The following IDE variants were observed in gnomAD, a reference collection of about 807,000 sequenced individuals.
The protein encoded by IDE is insulin-degrading enzyme.
In IDE, 58 loss-of-function variants were observed where a neutral mutation model predicts 133.2. The observed-to-expected ratio is 0.44, with a 90% CI of 0.35 to 0.54. The LOEUF (loss-of-function observed/expected upper bound fraction) is 0.54, where lower values mean the gene tolerates loss of function less well. Ranked by LOEUF, IDE falls within the 20% of genes least tolerant of loss-of-function variation. The pLI is 0.00. For missense variants in IDE, 981 were observed against 1,234.0 expected, an observed-to-expected ratio of 0.79 and a Z score of 3.07; for synonymous variants, 396 against 421.3, an observed-to-expected ratio of 0.94 and a Z score of 0.73.
At chr10:92,557,311 T>A (rs1589538975) in intron 1 of IDE, among the ~76,000 whole-genome samples, 2 of 143,668 alleles carry the variant, frequency 1.4e-5, no homozygotes, top group Non-Finnish European at 3.1e-5. Context: ...CCGAGGGGGG[T>A]GGATCACGAG....
At chr10:92,558,854 C>A (rs1221642701) in intron 1 of IDE, 1 of 151,390 alleles carries the variant, frequency 6.6e-6, no homozygotes, top group Non-Finnish European at 1.5e-5. Flanking sequence ...CTCATCCTCC[C>A]AAAGTGCTGG....
intron 1 of IDE, among the ~76,000 whole-genome samples, chr10:92,561,022 G>A (rs536394448): frequency 3.9e-5 from 6 of 152,216 alleles, no homozygotes; most frequent in Admixed American, 3.9e-4. Flanking sequence ...GGAGGCCAAG[G>A]TGGATGGATC....
At chr10:92,518,519 G>A (rs1425324480) in intron 4 of IDE, among the ~76,000 whole-genome samples, 1 of 152,134 alleles carries the variant, frequency 6.6e-6, no homozygotes, top group Admixed American at 6.5e-5. Context: ...ACCGCTACAG[G>A]AAACAACCTA....
At chr10:92,533,365 CATAAA>C (rs1355891521) in intron 3 of IDE, among the ~76,000 whole-genome samples, 6 of 152,064 alleles carry the variant, frequency 3.9e-5, no homozygotes, top group Admixed American at 1.3e-4. Context: ...AAGACTGAAA[CATAAA>C]ATAAAATAAG....
intron 1 of IDE, chr10:92,572,940 A>C: frequency 1.9e-5 from 19 of 985,222 alleles, no homozygotes; most frequent in Non-Finnish European, 2.3e-5. Flanking sequence ...TTCCCGTGGC[A>C]TCCCAATCCG....
intron 1 of IDE, among the ~76,000 whole-genome samples, chr10:92,540,334 AGTTT>A (rs1253863299): frequency 6.6e-6 from 1 of 152,234 alleles, no homozygotes; most frequent in Non-Finnish European, 1.5e-5. Flanking sequence ...GTGTGTACAC[AGTTT>A]GTTTCAAAAA....
chr10:92,560,982 G>A (rs1480341572), intron 1 of IDE, among the ~76,000 whole-genome samples: 1 of 152,108 alleles, frequency 6.6e-6, no homozygotes, highest in Non-Finnish European at 1.5e-5. Context: ...GCTGGGCGTG[G>A]TGGCTCACAC....
At chr10:92,527,559 C>T (rs1665280068) in intron 4 of IDE, among the ~76,000 whole-genome samples, 1 of 152,130 alleles carries the variant, frequency 6.6e-6, no homozygotes, top group Admixed American at 6.5e-5. Context: ...TAGAGTTTAA[C>T]CATCCATGTG....
At chr10:92,476,421 C>T (rs1489125384) in intron 15 of IDE, among the ~76,000 whole-genome samples, 11 of 151,886 alleles carry the variant, frequency 7.2e-5, no homozygotes, top group African/African-American at 1.9e-4. Flanking sequence ...GTGATCCATC[C>T]GCCTCGGCCT....
At chr10:92,529,377 G>C (rs1172566988) in intron 4 of IDE, among the ~76,000 whole-genome samples, 1 of 152,172 alleles carries the variant, frequency 6.6e-6, no homozygotes, top group African/African-American at 2.4e-5. Flanking sequence ...CTTGACATTT[G>C]CATTACTTAT....
At chr10:92,488,424 A>G (rs1847133522) in intron 12 of IDE, among the ~76,000 whole-genome samples, 1 of 151,980 alleles carries the variant, frequency 6.6e-6, no homozygotes, top group Non-Finnish European at 1.5e-5. Context: ...ACTGGCCCAC[A>G]CCTCTCCCAG....
At chr10:92,568,038 T>C (rs1183242611) in intron 1 of IDE, among the ~76,000 whole-genome samples, 1 of 152,220 alleles carries the variant, frequency 6.6e-6, no homozygotes, top group East Asian at 1.9e-4. Flanking sequence ...CAAAGACTCT[T>C]GTTCAAATCC....
intron 22 of IDE, among the ~76,000 whole-genome samples, chr10:92,458,219 G>C (rs1159161504): frequency 6.6e-6 from 1 of 152,118 alleles, no homozygotes; most frequent in Non-Finnish European, 1.5e-5. Context: ...TAGGTATTCT[G>C]TGTAAAAAAG....
intron 15 of IDE, among the ~76,000 whole-genome samples, chr10:92,478,006 T>C (rs990003703): frequency 5.3e-5 from 8 of 152,242 alleles, no homozygotes; most frequent in African/African-American, 1.9e-4. Context: ...AAAATGCTCT[T>C]GTTTTCATTT....
chr10:92,536,879 A>T (rs1462931227), intron 2 of IDE, among the ~76,000 whole-genome samples: 20 of 151,706 alleles, frequency 1.3e-4, no homozygotes, highest in Admixed American at 1.2e-3. Context: ...CTCTAATAAA[A>T]ATACAAAAAT....
At chr10:92,572,849 A>T in intron 1 of IDE, 20 of 826,866 alleles carry the variant, frequency 2.4e-5, no homozygotes, top group Non-Finnish European at 2.9e-5. Context: ...AAGCCAGCCT[A>T]CCCCCCCATC....
chr10:92,561,917 T>C (rs1217534523), intron 1 of IDE, among the ~76,000 whole-genome samples: 1 of 152,236 alleles, frequency 6.6e-6, no homozygotes, highest in African/African-American at 2.4e-5. Context: ...ACCTCCAGTA[T>C]GTCTGAAAAC....
chr10:92,507,442 A>T (rs1162871805), intron 9 of IDE, 133 bp downstream of exon 9: 3 of 655,614 alleles, frequency 4.6e-6, no homozygotes, highest in Non-Finnish European at 8.1e-6. Flanking sequence ...ACTATTATAC[A>T]TTGCAAAATT....
intron 4 of IDE, among the ~76,000 whole-genome samples, chr10:92,521,114 G>A (rs1015350585): frequency 6.6e-6 from 1 of 152,104 alleles, no homozygotes; most frequent in African/African-American, 2.4e-5. Context: ...CCAAATAGTA[G>A]AAAAGGAGAT....
Sources: allele counts gnomAD v4.1 joint callset (sites outside exome capture counted in the v4.1 genomes callset), GRCh38; gene constraint gnomAD v4.1.1; transcripts MANE v1.5; gene names NCBI Gene and HGNC (gene_info 2026-07-23, HGNC 2026-07-21).